Variants in KIF6 observed in about 807,000 individuals in gnomAD.
The protein encoded by KIF6 is kinesin family member 6, also known as kinesin-like protein KIF6.
In KIF6, 106 loss-of-function variants were observed where a neutral mutation model predicts 112.7. The ratio of observed to expected loss-of-function variants is 0.94; its 90% confidence interval spans 0.80 to 1.11. The LOEUF (loss-of-function observed/expected upper bound fraction) is 1.11, where lower values mean the gene tolerates loss of function less well. Among genes scored for constraint, KIF6 ranks in the 50% least tolerant of loss-of-function variants. The pLI is 0.00. For synonymous variants in KIF6, 339 were observed against 339.9 expected (o/e 1.00, Z 0.03); for missense variants, 929 against 964.0 (o/e 0.96, Z 0.48).
intron 7 of KIF6, among the ~76,000 whole-genome samples, chr6:39,594,728 G>A (rs190565836): frequency 6.6e-6 from 1 of 152,120 alleles, no homozygotes; most frequent in African/African-American, 2.4e-5. Flanking sequence ...TTAAAAAAAG[G>A]TTTTATTTTT....
At chr6:39,480,921 AT>A (rs1469170537) in intron 13 of KIF6, among the ~76,000 whole-genome samples, 4 of 152,076 alleles carry the variant, frequency 2.6e-5, no homozygotes, top group African/African-American at 9.7e-5. Flanking sequence ...TTCATTTCTA[AT>A]TAAGCTTATT....
chr6:39,352,321 G>T (rs1581648644), intron 19 of KIF6, among the ~76,000 whole-genome samples: 1 of 152,154 alleles, frequency 6.6e-6, no homozygotes, highest in East Asian at 1.9e-4. Flanking sequence ...CACTCTTTGT[G>T]CTGTACAGCT....
intron 5 of KIF6, among the ~76,000 whole-genome samples, chr6:39,627,989 T>C (rs1009080872): frequency 6.6e-6 from 1 of 152,176 alleles, no homozygotes; most frequent in Non-Finnish European, 1.5e-5. Flanking sequence ...TTAATACACA[T>C]ATGTGTGTAT....
At chr6:39,564,454 G>T (rs1278817971) in intron 10 of KIF6, among the ~76,000 whole-genome samples, 2 of 152,150 alleles carry the variant, frequency 1.3e-5, no homozygotes, top group Non-Finnish European at 2.9e-5. Flanking sequence ...TAGGTTTCAA[G>T]AACTAGGACT....
chr6:39,359,406 A>ATAATTTTTT (rs1764955474), intron 18 of KIF6, among the ~76,000 whole-genome samples: 4 of 152,230 alleles, frequency 2.6e-5, no homozygotes, highest in Non-Finnish European at 4.4e-5. Context: ...ATATGTTTTG[A>ATAATTTTTT]GTAAAAAACT....
rs374888397 is a variant in KIF6, at chr6:39,431,117, T to C, written c.1690A>G (p.Ile564Val). The C allele has an allele frequency of 1.8e-5, 29 of 1,613,202 alleles. No homozygotes were observed. The highest frequency in any genetic ancestry group is 1.8e-4 in the East Asian group (8 of 44,882). ...MSLGCQEAFEIFKRDHADSVT... is the reference protein window; with the variant it reads ...MSLGCQEAFEVFKRDHADSVT... ...CTGTCAGCGTGGTCCCTCTTGAAGA[T>C]TTCAAAAGCCTCCTGGCATCCTAAT... The change falls in exon 14 of 23, where the codon ATC (isoleucine) becomes GTC (valine). Residue 564 changes from isoleucine (I) to valine (V), a missense_variant. This residue lies in a region of KIF6 where 241 missense variants were observed against 301.4 expected (regional missense o/e 0.80). Transcript: ENST00000287152.
At chr6:39,638,335 T>C (rs916762130) in intron 4 of KIF6, among the ~76,000 whole-genome samples, 13 of 152,116 alleles carry the variant, frequency 8.5e-5, no homozygotes, top group African/African-American at 3.1e-4. Context: ...AGAACCAGGT[T>C]GACCTGTACC....
chr6:39,460,024 G>A (rs1361268479), intron 13 of KIF6, among the ~76,000 whole-genome samples: 1 of 144,770 alleles, frequency 6.9e-6, no homozygotes, highest in Non-Finnish European at 1.5e-5. Flanking sequence ...CCATTACTGG[G>A]TATATACCCA....
intron 15 of KIF6, among the ~76,000 whole-genome samples, chr6:39,403,431 C>G (rs899184459): frequency 6.6e-6 from 1 of 152,194 alleles, no homozygotes; most frequent in Non-Finnish European, 1.5e-5. Flanking sequence ...ATGAGACTGG[C>G]TTCTTTCATC....
intron 1 of KIF6, among the ~76,000 whole-genome samples, chr6:39,722,020 G>T (rs1358187806): frequency 1.3e-5 from 2 of 151,952 alleles, no homozygotes; most frequent in Admixed American, 1.3e-4. Context: ...AAAATGTGAA[G>T]AATTCATGCA....
At position 39,544,704 on chromosome 6, in the gene KIF6, A is replaced by C. The variant is rs779763240; in HGVS notation, c.1288-11T>G. On this transcript the variant is annotated splice_polypyrimidine_tract_variant and intron_variant, in intron 11 of 22. Coordinates refer to ENST00000287152, the MANE Select transcript of KIF6 (RefSeq NM_145027.6). Reference sequence around the variant, plus strand: ...GTCATTCAATAGTTTCTGTAAGATAAAATAAGAGCTTAGTACCCATATCTC... The same window carrying C: ...GTCATTCAATAGTTTCTGTAAGATACAATAAGAGCTTAGTACCCATATCTC... The C allele has an allele frequency of 6.4e-7, 1 of 1,553,520 alleles. No homozygotes were observed. The highest frequency in any genetic ancestry group is 8.7e-7 in the Non-Finnish European group (1 of 1,144,024).
intron 3 of KIF6, among the ~76,000 whole-genome samples, chr6:39,648,344 G>A (rs1040360916): frequency 2.0e-5 from 3 of 152,046 alleles, no homozygotes; most frequent in East Asian, 3.9e-4. Flanking sequence ...GTCCAGCCAA[G>A]GGCCTTGATT....
In KIF6 at chr6:39,421,479, G is replaced by A. The variant is rs139827751; in HGVS notation, c.1755-1476C>T. Among the ~76,000 whole-genome samples the A allele has an allele frequency of 7.1e-3, 1,082 of 152,282 alleles. 11 individuals carry two copies. Among genetic ancestry groups the A allele is most frequent in the African/African-American group, 0.025 (1,018 of 41,546 alleles). On this transcript the variant is annotated intron_variant, in intron 14 of 22. Transcript: ENST00000287152. ...TATTGTTTCATCCTTGAACACTTTA[G>A]TTGACTGGGATTGTGTTGGAGGAAG...
At chr6:39,513,291 T>C (rs988206661) in intron 13 of KIF6, among the ~76,000 whole-genome samples, 24 of 152,134 alleles carry the variant, frequency 1.6e-4, no homozygotes, top group African/African-American at 5.5e-4. Context: ...TCCTCCCTAG[T>C]GGACCCCCAC....
chr6:39,691,534 A>T (rs2113804209), intron 3 of KIF6: 1 of 152,342 alleles, frequency 6.6e-6, no homozygotes. Flanking sequence ...TTATATTATT[A>T]GAATTTCTAT....
intron 3 of KIF6, among the ~76,000 whole-genome samples, chr6:39,683,792 G>A (rs570060393): frequency 6.6e-6 from 1 of 152,234 alleles, no homozygotes; most frequent in South Asian, 2.1e-4. Context: ...CTGGAAATCT[G>A]ACACCAAGAT....
chr6:39,666,246 G>C (rs576944962), intron 3 of KIF6, among the ~76,000 whole-genome samples: 9 of 152,076 alleles, frequency 5.9e-5, no homozygotes, highest in Non-Finnish European at 1.3e-4. Context: ...TGTCATTATG[G>C]TTTGGCAATT....
chr6:39,540,291 G>A lies in KIF6; in HGVS notation c.1427-70C>T, dbSNP rs1344521080. On this transcript the variant is annotated intron_variant, in intron 12 of 22. Coordinates refer to ENST00000287152, the MANE Select transcript of KIF6 (RefSeq NM_145027.6). The stretch of plus-strand genomic sequence containing the variant: ...TAATCAAAACACAAATGTCCTAAGT[G>A]TCATTAATGTTCCTAACATTTGCTA... 1.6e-5 allele frequency: 15 copies of A among 958,204 alleles called. No homozygotes were observed. The East Asian group carries it at 3.4e-4, about 21-fold the overall frequency. The allele number at this position is 958,204 out of a possible 1,614,324, so 59.4% of individuals were successfully genotyped here. A position where few individuals can be genotyped will look rare whatever the true frequency, so the allele number is the denominator to read the frequency against.
At chr6:39,430,696 C>T (rs1165288870) in intron 14 of KIF6, among the ~76,000 whole-genome samples, 1 of 152,174 alleles carries the variant, frequency 6.6e-6, no homozygotes, top group Admixed American at 6.5e-5. Flanking sequence ...GCCTGCAGTT[C>T]TAAGAATATA....
Sources: allele counts gnomAD v4.1 joint callset (sites outside exome capture counted in the v4.1 genomes callset), GRCh38; gene constraint gnomAD v4.1.1; regional missense constraint gnomAD v4.1.1; transcripts MANE v1.5; gene names NCBI Gene and HGNC (gene_info 2026-07-23, HGNC 2026-07-21).